Variants in LATS1 observed in about 807,000 individuals in gnomAD.
The protein encoded by LATS1 is serine/threonine-protein kinase LATS1.
LATS1 carries 25 observed loss-of-function variants against 106.6 expected under a neutral mutation model. The ratio of observed to expected loss-of-function variants is 0.23; its 90% CI spans 0.17 to 0.33. The LOEUF is 0.33. Ranked by LOEUF, LATS1 falls within the 10% of genes least tolerant of loss-of-function variation. The pLI, the probability that LATS1 is intolerant of heterozygous loss-of-function variation, is 1.00. For missense variants in LATS1, 1,040 were observed against 1,382.6 expected (o/e 0.75, Z 3.93); for synonymous variants, 465 against 455.6 (o/e 1.02, Z -0.26).
chr6:149,692,491 A>G (rs1224929769), intron 3 of LATS1, among the ~76,000 whole-genome samples: 1 of 152,102 alleles, frequency 6.6e-6, no homozygotes, highest in Non-Finnish European at 1.5e-5. Context: ...CACACCATAT[A>G]TAGCTGTAAT....
At chr6:149,679,129 A>C (rs552310011) in intron 5 of LATS1, among the ~76,000 whole-genome samples, 1 of 152,318 alleles carries the variant, frequency 6.6e-6, no homozygotes, top group East Asian at 1.9e-4. Context: ...CCGATTATAA[A>C]GTTCTGAAAT....
intron 3 of LATS1, among the ~76,000 whole-genome samples, chr6:149,686,488 T>A (rs1230879366): frequency 6.6e-6 from 1 of 152,124 alleles, no homozygotes; most frequent in African/African-American, 2.4e-5. Context: ...GCCCTCCGGA[T>A]CCACTCGGCT....
chr6:149,686,014 T>C (rs1240229374), intron 3 of LATS1, among the ~76,000 whole-genome samples: 1 of 152,152 alleles, frequency 6.6e-6, no homozygotes, highest in Non-Finnish European at 1.5e-5. Context: ...CTTGCGAATG[T>C]CTTCCCAGGC....
intron 7 of LATS1, among the ~76,000 whole-genome samples, chr6:149,667,321 C>A (rs904444387): frequency 1.3e-5 from 2 of 151,186 alleles, no homozygotes; most frequent in Non-Finnish European, 1.5e-5. Flanking sequence ...ACAGTCCCAG[C>A]GACTCAGGAG....
At chr6:149,700,381 G>A (rs1053731217) in intron 2 of LATS1, among the ~76,000 whole-genome samples, 23 of 152,242 alleles carry the variant, frequency 1.5e-4, no homozygotes, top group African/African-American at 5.3e-4. Flanking sequence ...GCTGAGGCAG[G>A]AGAATTGCTT....
chr6:149,709,910 G>A (rs1023735552), intron 1 of LATS1, among the ~76,000 whole-genome samples: 2 of 151,716 alleles, frequency 1.3e-5, no homozygotes, highest in South Asian at 2.1e-4. Flanking sequence ...TCCTGACCTC[G>A]TGATCCACCT....
intron 1 of LATS1, among the ~76,000 whole-genome samples, chr6:149,709,667 T>C: frequency 7.7e-6 from 1 of 130,396 alleles, no homozygotes; most frequent in East Asian, 2.9e-4. Flanking sequence ...CAACCCCTTA[T>C]CTTTTTTTTT....
At chr6:149,689,647 A>C (rs897453573) in intron 3 of LATS1, among the ~76,000 whole-genome samples, 1 of 152,154 alleles carries the variant, frequency 6.6e-6, no homozygotes, top group Non-Finnish European at 1.5e-5. Flanking sequence ...CACTATTGCC[A>C]GTCCTCAGTC....
chr6:149,698,936 C>A (rs1245854139), intron 2 of LATS1, among the ~76,000 whole-genome samples: 1 of 151,582 alleles, frequency 6.6e-6, no homozygotes, highest in Non-Finnish European at 1.5e-5. Context: ...AAAAATATAC[C>A]CCAGTGATTG....
At chr6:149,682,497 C>T (rs764692207) in intron 4 of LATS1, among the ~76,000 whole-genome samples, 21 of 151,534 alleles carry the variant, frequency 1.4e-4, no homozygotes, top group Non-Finnish European at 2.1e-4. Context: ...CTGCAACCTC[C>T]GCCTCCGGGG....
rs1170662636 is a variant in LATS1, at chr6:149,683,878, C to T, written c.1211G>A (p.Ser404Asn). The T allele has an allele frequency of 1.2e-6, 2 of 1,613,940 alleles. No homozygotes were observed. The highest frequency in any genetic ancestry group is 1.3e-5 in the African/African-American group (1 of 74,922). Residue 404 changes from serine (S) to asparagine (N), a missense_variant, in exon 4 of 8, where the codon AGT becomes AAT. This residue lies in a region of LATS1 where 624 missense variants were observed against 714.8 expected (regional missense o/e 0.87). Coordinates refer to ENST00000543571, the MANE Select transcript of LATS1 (RefSeq NM_004690.4). ...SAAPSSYTNG[S>N]IPQSMMVPNR... ...TGGCACCATCATAGACTGAGGAATA[C>T]TTCCATTTGTATATGACGAAGGAGC...
chr6:149,695,212 T>C lies in LATS1; in HGVS notation c.358A>G (p.Ile120Val). The change falls in exon 3 of 8, where the codon ATA becomes GTA. Residue 120 changes from isoleucine (I) to valine (V), a missense_variant. This residue lies in a region of LATS1 where 624 missense variants were observed against 714.8 expected (regional missense o/e 0.87). Coordinates refer to ENST00000543571, the MANE Select transcript of LATS1 (RefSeq NM_004690.4). ...TTGTTAGTTTTCTGAAGAGCTTGTA[T>C]AACCATATCCTGATATGAATTGAAG... The part of the protein sequence containing the change: ...QAAGFDEDMV[I>V]QALQKTNNRS... 1 of 1,594,974 alleles carries C rather than the reference T, an allele frequency of 6.3e-7. No individual in the cohort carries two copies. The highest frequency in any genetic ancestry group is 8.6e-7 in the Non-Finnish European group (1 of 1,166,996).
chr6:149,687,293 G>T (rs1412675549), intron 3 of LATS1, among the ~76,000 whole-genome samples: 3 of 152,082 alleles, frequency 2.0e-5, no homozygotes, highest in Admixed American at 2.0e-4. Flanking sequence ...GTTTCACCAT[G>T]TTGGTCAGGC....
intron 3 of LATS1, among the ~76,000 whole-genome samples, chr6:149,688,974 C>T (rs1395805573): frequency 6.6e-6 from 1 of 151,936 alleles, no homozygotes; most frequent in East Asian, 2.0e-4. Context: ...TCAAGACCAG[C>T]CTGGCCAACA....
chr6:149,662,068 G>A lies in LATS1; in HGVS notation c.3054C>T (p.Asp1018=). 6.2e-7 allele frequency: 1 copy of A among 1,614,132 alleles called. No individual in the cohort carries two copies. The highest frequency in any genetic ancestry group is 8.5e-7 in the Non-Finnish European group (1 of 1,180,006). Reference sequence around the variant, plus strand: ...TGTATGAAGCAGACTGCTGTCTCAGGTCACTGGAGAAGTCAATTGTTTTAA... The same window carrying A: ...TGTATGAAGCAGACTGCTGTCTCAGATCACTGGAGAAGTCAATTGTTTTAA... The part of the protein sequence containing the change: ...PFFKTIDFSS[D]LRQQSASYIP... The change falls in exon 8 of 8, where the codon GAC becomes GAT. Residue 1018 remains aspartate, a synonymous_variant. Transcript: ENST00000543571.
Position 149,690,221 on chromosome 6 carries a change from T to C in LATS1, c.496+4853A>G, listed in dbSNP as rs976654041. On this transcript the variant is annotated intron_variant, in intron 3 of 7. Transcript: ENST00000543571. ...TATTCTTTTCTTTTTTTCTTTTTTTTTTTTTTTTTGAGACGGAGTTTTGTT... is the reference window on the plus strand; with the variant it reads ...TATTCTTTTCTTTTTTTCTTTTTTTCTTTTTTTTTGAGACGGAGTTTTGTT... Among the ~76,000 whole-genome samples the C allele has an allele frequency of 6.0e-5, 9 of 149,890 alleles. 2 individuals are homozygous for C. The highest frequency in any genetic ancestry group is 1.3e-4 in the Admixed American group (2 of 15,128).
chr6:149,692,843 T>G (rs1782843732), intron 3 of LATS1, among the ~76,000 whole-genome samples: 1 of 151,954 alleles, frequency 6.6e-6, no homozygotes, highest in African/African-American at 2.4e-5. Context: ...CCCAGCTAAT[T>G]TTGTATTTTT....
intron 1 of LATS1, among the ~76,000 whole-genome samples, chr6:149,704,105 G>A (rs571464007): frequency 2.0e-5 from 3 of 152,322 alleles, no homozygotes; most frequent in African/African-American, 7.2e-5. Flanking sequence ...CCGGGTTCAA[G>A]TGATTCTCCT....
chr6:149,696,675 T>C (rs1255045680), intron 2 of LATS1, among the ~76,000 whole-genome samples: 1 of 151,868 alleles, frequency 6.6e-6, no homozygotes, highest in Non-Finnish European at 1.5e-5. Context: ...TCTTAGAGAT[T>C]ACGTTTTCAG....
Sources: allele counts gnomAD v4.1 joint callset (sites outside exome capture counted in the v4.1 genomes callset), GRCh38; gene constraint gnomAD v4.1.1; regional missense constraint gnomAD v4.1.1; transcripts MANE v1.5; gene names NCBI Gene and HGNC (gene_info 2026-07-23, HGNC 2026-07-21).